The following ZNF292 variants were observed in gnomAD, a reference collection of about 807,000 sequenced individuals.
The protein encoded by ZNF292 is 16 zinc-finger domain protein.
ZNF292 carries 26 observed loss-of-function variants against 217.9 expected under a neutral mutation model. The ratio of observed to expected loss-of-function variants is 0.12; its 90% CI spans 0.09 to 0.17. The LOEUF is 0.17. ZNF292 is among the 10% of genes least tolerant of loss of function. ZNF292 has a pLI of 1.00. For missense variants in ZNF292, 2,904 were observed against 3,175.2 expected (o/e 0.91, Z 2.05); for synonymous variants, 1,257 against 1,124.1 (o/e 1.12, Z -2.37).
chr6:87,197,857 A>G (rs908903358), intron 1 of ZNF292, among the ~76,000 whole-genome samples: 1 of 151,116 alleles, frequency 6.6e-6, no homozygotes, highest in Non-Finnish European at 1.5e-5. Flanking sequence ...TCAGTCTTTG[A>G]TTCTGGGTTA....
chr6:87,163,047 A>G (rs1268986832), intron 1 of ZNF292, among the ~76,000 whole-genome samples: 1 of 152,190 alleles, frequency 6.6e-6, no homozygotes, highest in Non-Finnish European at 1.5e-5. Context: ...CAGTTGCACA[A>G]TGTATCTCAA....
rs559591933 is a variant in ZNF292 at position 87,170,656 on chromosome 6, C to A, written c.168+14897C>A. ...ATATTTGTGGTGTGGGTTTTTTAAT[C>A]CATGAAAACCATCCTTTATAAATCT... On this transcript the variant is annotated intron_variant, in intron 1 of 7. Coordinates refer to ENST00000369577, the MANE Select transcript of ZNF292 (RefSeq NM_015021.3). 1.1e-4 allele frequency among the ~76,000 whole-genome samples: 17 copies of A among 152,246 alleles called. 1 individual carries two copies. In the South Asian group the frequency reaches 3.5e-3, roughly 32 times the overall value.
At chr6:87,193,853 A>G (rs1356286190) in intron 1 of ZNF292, among the ~76,000 whole-genome samples, 1 of 152,254 alleles carries the variant, frequency 6.6e-6, no homozygotes, top group African/African-American at 2.4e-5. Flanking sequence ...CAGATATTCC[A>G]GAATTTGAAA....
chr6:87,186,326 G>T (rs1294343417), intron 1 of ZNF292, among the ~76,000 whole-genome samples: 1 of 152,236 alleles, frequency 6.6e-6, no homozygotes, highest in Non-Finnish European at 1.5e-5. Context: ...AGGATACTGT[G>T]CAGGAAAGAC....
chr6:87,160,738 G>A (rs1039473212), intron 1 of ZNF292, among the ~76,000 whole-genome samples: 2 of 151,784 alleles, frequency 1.3e-5, no homozygotes, highest in African/African-American at 4.8e-5. Flanking sequence ...TCTCAACTGG[G>A]CATAGTACTT....
intron 1 of ZNF292, among the ~76,000 whole-genome samples, chr6:87,175,711 C>T (rs1771265273): frequency 6.6e-6 from 1 of 152,178 alleles, no homozygotes; most frequent in Non-Finnish European, 1.5e-5. Context: ...AGCAACCCAG[C>T]AGTTCAAAGA....
In ZNF292 at chr6:87,260,905, G is replaced by C; in HGVS notation, c.7276G>C (p.Val2426Leu). ...ATCACAACACCGAAATCTTCTTATT[G>C]TATTCAAACGGTGTTGCAACTCACA... ...FTSQHRNLLI[V>L]FKRCCNSQVK... Residue 2426 changes from valine (V) to leucine (L), a missense_variant, in exon 8 of 8, where the codon GTA (valine) becomes CTA (leucine). Val to Leu is a conservative substitution (Grantham distance 32). This residue lies in a region of ZNF292 where 380 missense variants were observed against 355.3 expected (regional missense o/e 1.07). Transcript: ENST00000369577. The C allele has an allele frequency of 6.2e-7, 1 of 1,610,488 alleles. No individual in the cohort carries two copies. The highest frequency in any genetic ancestry group is 8.5e-7 in the Non-Finnish European group (1 of 1,178,182).
chr6:87,197,525 G>A (rs1771985206), intron 1 of ZNF292, among the ~76,000 whole-genome samples: 1 of 150,554 alleles, frequency 6.6e-6, no homozygotes, highest in Non-Finnish European at 1.5e-5. Flanking sequence ...ACCTGAGGTC[G>A]GGAGTTCGAG....
At chr6:87,165,308 A>G (rs73751984) in intron 1 of ZNF292, among the ~76,000 whole-genome samples, 1,596 of 152,282 alleles carry the variant, frequency 0.01, 29 homozygotes, top group African/African-American at 0.035. Flanking sequence ...AATCAAAGAG[A>G]GTAAGTCTGT....
At chr6:87,203,376 T>G (rs1194552932) in intron 1 of ZNF292, among the ~76,000 whole-genome samples, 3 of 151,878 alleles carry the variant, frequency 2.0e-5, no homozygotes, top group African/African-American at 7.3e-5. Flanking sequence ...CTTCTGAGCT[T>G]AAGTGATCCA....
intron 5 of ZNF292, among the ~76,000 whole-genome samples, chr6:87,237,593 C>T (rs775007549): frequency 3.3e-5 from 5 of 152,046 alleles, no homozygotes; most frequent in African/African-American, 9.7e-5. Flanking sequence ...AAGTATACTT[C>T]GTAAATTCAT....
chr6:87,160,231 T>TA (rs1261263119), intron 1 of ZNF292, among the ~76,000 whole-genome samples: 2 of 152,258 alleles, frequency 1.3e-5, no homozygotes, highest in African/African-American at 4.8e-5. Flanking sequence ...TTGGGAGTTT[T>TA]AAAAGAAACA....
At chr6:87,241,855 G>A (rs549437958) in intron 5 of ZNF292, among the ~76,000 whole-genome samples, 76 of 152,352 alleles carry the variant, frequency 5.0e-4, no homozygotes, top group African/African-American at 1.8e-3. Context: ...CGGTGCGAAA[G>A]TGGTACACAT....
intron 4 of ZNF292, among the ~76,000 whole-genome samples, chr6:87,218,999 G>C (rs1772934685): frequency 6.6e-6 from 1 of 152,208 alleles, no homozygotes; most frequent in South Asian, 2.1e-4. Flanking sequence ...CTTCTGACAG[G>C]TGGCAATCCA....
intron 7 of ZNF292, among the ~76,000 whole-genome samples, chr6:87,252,820 T>C (rs1490095448): frequency 6.6e-6 from 1 of 152,198 alleles, no homozygotes; most frequent in African/African-American, 2.4e-5. Flanking sequence ...AGGAATAGTA[T>C]AACATATACA....
At chr6:87,212,655 C>T (rs1772550494) in intron 1 of ZNF292, among the ~76,000 whole-genome samples, 1 of 152,220 alleles carries the variant, frequency 6.6e-6, no homozygotes, top group African/African-American at 2.4e-5. Context: ...GGTCATGAAT[C>T]TTAACATCCC....
intron 1 of ZNF292, among the ~76,000 whole-genome samples, chr6:87,203,364 G>A (rs1478914962): frequency 6.6e-6 from 1 of 151,480 alleles, no homozygotes; most frequent in Non-Finnish European, 1.5e-5. Flanking sequence ...GCTGATCTTG[G>A]ACTTCTGAGC....
At chr6:87,233,972 A>C (rs941181516) in intron 5 of ZNF292, among the ~76,000 whole-genome samples, 1 of 152,194 alleles carries the variant, frequency 6.6e-6, no homozygotes, top group African/African-American at 2.4e-5. Flanking sequence ...ATGCACATCT[A>C]TGCTATATAT....
chr6:87,229,617 G>A (rs986883216), intron 4 of ZNF292, among the ~76,000 whole-genome samples: 1 of 151,848 alleles, frequency 6.6e-6, no homozygotes, highest in Non-Finnish European at 1.5e-5. Flanking sequence ...GTAGAGACAC[G>A]GTTTCTCCAT....
Sources: allele counts gnomAD v4.1 joint callset (sites outside exome capture counted in the v4.1 genomes callset), GRCh38; gene constraint gnomAD v4.1.1; regional missense constraint gnomAD v4.1.1; transcripts MANE v1.5; gene names NCBI Gene and HGNC (gene_info 2026-07-23, HGNC 2026-07-21).